The following ZNF202 variants were observed in gnomAD, a reference collection of about 807,000 sequenced individuals.
ZNF202 encodes zinc finger protein 202.
Under a neutral mutation model 54.5 loss-of-function variants are expected in ZNF202, and 22 were observed. That is an observed-to-expected ratio of 0.40 (90% CI 0.29 to 0.58). ZNF202 has a LOEUF of 0.58. ZNF202 is among the 20% of genes least tolerant of loss of function. ZNF202 has a pLI of 0.39. For synonymous variants in ZNF202, 294 were observed against 301.4 expected, an observed-to-expected ratio of 0.98 and a Z score of 0.26; for missense variants, 644 against 805.5, an observed-to-expected ratio of 0.80 and a Z score of 2.43.
intron 6 of ZNF202, 78 bp downstream of exon 6, chr11:123,729,048 C>T (rs1861282727): frequency 2.1e-6 from 3 of 1,440,046 alleles, no homozygotes; most frequent in Non-Finnish European, 1.9e-6. Flanking sequence ...GTGCATCCTG[C>T]TTCACCTGTT....
intron 5 of ZNF202, among the ~76,000 whole-genome samples, 176 bp from the exon 6 acceptor site, chr11:123,729,390 A>G (rs905390733): frequency 1.3e-5 from 2 of 152,166 alleles, no homozygotes; most frequent in Non-Finnish European, 2.9e-5. Flanking sequence ...CTATGAGACT[A>G]TCAGAATGCC....
chr11:123,732,396 TCAGA>T (rs1210524446), intron 3 of ZNF202, among the ~76,000 whole-genome samples: 1 of 152,202 alleles, frequency 6.6e-6, no homozygotes, highest in Non-Finnish European at 1.5e-5. Context: ...TCCAATCCTT[TCAGA>T]CACACACGCA....
chr11:123,741,240 G>A (rs1049427782), intron 1 of ZNF202, among the ~76,000 whole-genome samples: 14 of 152,114 alleles, frequency 9.2e-5, no homozygotes, highest in Non-Finnish European at 1.5e-4. Flanking sequence ...TACGAGGTAC[G>A]GACTAACTAC....
In ZNF202 at chr11:123,730,466, A is replaced by C; in HGVS notation, c.402+21T>G. 1.3e-6 allele frequency: 2 copies of C among 1,515,904 alleles called. No homozygotes were observed. The highest frequency in any genetic ancestry group is 1.8e-6 in the Non-Finnish European group (2 of 1,134,580). 93.9% of individuals were successfully genotyped at this position (1,515,904 alleles called of 1,614,324 possible). A position where few individuals can be genotyped will look rare whatever the true frequency, so the allele number is the denominator to read the frequency against. ...AATAGTCCCCCTCCACATCACACAG[A>C]TCAGGACTCCCCCTCCTCACCCACC... is the stretch of plus-strand genomic sequence containing the variant. On this transcript the variant is annotated intron_variant, in intron 4 of 8. Transcript: ENST00000530393. This position sits in a 1 kb window ranked among gnomAD's most constrained non-coding sequence, Gnocchi z 6.0.
Position 123,729,616 on chromosome 11 carries a change from G to A in ZNF202, c.612C>T (p.Ser204=), listed in dbSNP as rs763651033. ...QEEELQTLQE[S]EVPVPEDPDL... is the part of the protein sequence containing the mutation. ...CCCCTTTCTGCTGATGCTTCCCACC[G>A]CTCTCCTGCAGGGTCTGGAGCTCCT... Residue 204 remains serine, a splice_region_variant and synonymous_variant, in exon 5 of 9, where the codon AGC becomes AGT. Coordinates refer to ENST00000530393, the MANE Select transcript of ZNF202 (RefSeq NM_003455.4). The A allele has an allele frequency of 8.3e-6, 13 of 1,566,740 alleles. No individual in the cohort carries two copies. The highest frequency in any genetic ancestry group is 1.9e-4 in the Middle Eastern group (1 of 5,272).
chr11:123,741,334 A>T (rs1861858249), intron 1 of ZNF202, among the ~76,000 whole-genome samples: 1 of 151,976 alleles, frequency 6.6e-6, no homozygotes, highest in African/African-American at 2.4e-5. Context: ...CCCCGGAGAT[A>T]CTGGCTCCGG....
chr11:123,729,101 T>C, intron 6 of ZNF202, 25 bp downstream of exon 6: 2 of 1,611,714 alleles, frequency 1.2e-6, no homozygotes, highest in South Asian at 1.1e-5. Context: ...AAATTCTCTG[T>C]GGTACAGAGG....
rs1861353952 is a variant in ZNF202, at chr11:123,730,388, T to C, written c.402+99A>G. 7 of 1,427,788 alleles carry C rather than the reference T, an allele frequency of 4.9e-6. No homozygotes were observed. Among genetic ancestry groups the C allele is most frequent in the Non-Finnish European group, 6.5e-6 (7 of 1,076,484 alleles). The allele number at this position is 1,427,788 out of a possible 1,614,324, so 88.4% of individuals were successfully genotyped here. A position where few individuals can be genotyped will look rare whatever the true frequency, so the allele number is the denominator to read the frequency against. ...TGAGCAACCCAAGGGCAGAGCCCAC[T>C]AATAATTTATGGGGATCCTGCAAGC... On this transcript the variant is annotated intron_variant, in intron 4 of 8. Transcript: ENST00000530393. The surrounding 1 kb of genome is among the most constrained non-coding windows in gnomAD (Gnocchi z 6.0).
rs1861369329 is a variant in ZNF202, at chr11:123,730,739, T to C, written c.150A>G (p.Arg50=). Residue 50 remains arginine (R), a synonymous_variant, in exon 4 of 9, where the codon CGA becomes CGG. Coordinates refer to ENST00000530393, the MANE Select transcript of ZNF202 (RefSeq NM_003455.4). The surrounding 1 kb of genome is among the most constrained non-coding windows in gnomAD (Gnocchi z 6.0). ...TTGCTGCCTCCTGGTAGCGGAAGCG[T>C]CGGAAGTTCTGGTGGGAGGTTTCCA... ...PVLETSHQNF[R]RFRYQEAASP... is the part of the protein sequence containing the mutation. 6.2e-7 allele frequency: 1 copy of C among 1,614,224 alleles called. No individual in the cohort carries two copies. Among genetic ancestry groups the C allele is most frequent in the Non-Finnish European group, 8.5e-7 (1 of 1,180,030 alleles).
Position 123,727,487 on chromosome 11 carries a change from A to C in ZNF202, c.941T>G (p.Phe314Cys). The change falls in exon 8 of 9, where the codon TTT becomes TGT. Residue 314 changes from phenylalanine (F) to cysteine (C), a missense_variant. Coordinates refer to ENST00000530393, the MANE Select transcript of ZNF202 (RefSeq NM_003455.4). ...TTGTCATTCCTCACCTGTGTAGGTAAAACTCAGGATTTCTGGCTCTTGAGT... is the reference window on the plus strand; with the variant it reads ...TTGTCATTCCTCACCTGTGTAGGTACAACTCAGGATTTCTGGCTCTTGAGT... Reference protein sequence around the residue: ...QETQEPEILSFTYTGDRSKDE... With the variant: ...QETQEPEILSCTYTGDRSKDE... 3.7e-6 allele frequency: 6 copies of C among 1,614,062 alleles called. No homozygotes were observed. The highest frequency in any genetic ancestry group is 5.1e-6 in the Non-Finnish European group (6 of 1,179,970).
rs769685643 is a variant in ZNF202, at chr11:123,726,961, A to G, written c.983T>C (p.Leu328Pro). The G allele has an allele frequency of 6.2e-7, 1 of 1,613,530 alleles. No homozygotes were observed. Among genetic ancestry groups the G allele is most frequent in the Non-Finnish European group, 8.5e-7 (1 of 1,179,934 alleles). ...CTCCAAACTCAGATCTTCCTGCTCCAGACACTCTTCCTCATCTTTACTCCT... is the reference window on the plus strand; with the variant it reads ...CTCCAAACTCAGATCTTCCTGCTCCGGACACTCTTCCTCATCTTTACTCCT... The part of the protein sequence containing the change: ...GDRSKDEEEC[L>P]EQEDLSLEDI... The change falls in exon 9 of 9, where the codon CTG becomes CCG. Residue 328 changes from leucine (L) to proline (P), a missense_variant. Around this residue, in one of 3 missense-constraint regions of ZNF202, gnomAD observed 536 missense variants for 635.3 expected, o/e 0.84. Transcript: ENST00000530393. This position sits in a 1 kb window ranked among gnomAD's most constrained non-coding sequence, Gnocchi z 6.0.
rs1658954025 is a variant in ZNF202 at position 123,726,735 on chromosome 11, T to C, written c.1209A>G (p.Gly403=). 4 of 1,614,084 alleles carry C rather than the reference T, an allele frequency of 2.5e-6. No individual in the cohort carries two copies. Among genetic ancestry groups the C allele is most frequent in the African/African-American group, 1.3e-5 (1 of 74,930 alleles). Residue 403 remains glycine (G), a synonymous_variant, in exon 9 of 9, where the codon GGA becomes GGG. Transcript: ENST00000530393. This position sits in a 1 kb window ranked among gnomAD's most constrained non-coding sequence, Gnocchi z 6.0. ...LGRHHDCSVC[G]KSFTCNSHLV... is the part of the protein sequence containing the mutation. ...GGTGGGAGTTACAAGTGAAGCTCTTTCCACACACAGAACAGTCATGATGCC... is the reference window on the plus strand; with the variant it reads ...GGTGGGAGTTACAAGTGAAGCTCTTCCCACACACAGAACAGTCATGATGCC...
rs765880785 is a variant in ZNF202, at chr11:123,725,070, G to A, written c.*927C>T. The A allele has an allele frequency of 1.1e-4, 17 of 152,212 alleles. No individual in the cohort carries two copies. Among genetic ancestry groups the A allele is most frequent in the South Asian group, 2.1e-4 (1 of 4,828 alleles). The allele number at this position is 152,212 out of a possible 1,614,324, so 9.4% of individuals were successfully genotyped here. ...ACTCATACGACCCCTGTGAAGGGGGGTGTGAAGGGGTTGGTGGGCTTGTGC... is the reference window on the plus strand; with the variant it reads ...ACTCATACGACCCCTGTGAAGGGGGATGTGAAGGGGTTGGTGGGCTTGTGC... On this transcript the variant is annotated 3_prime_UTR_variant, in exon 9 of 9. Transcript: ENST00000530393.
intron 6 of ZNF202, among the ~76,000 whole-genome samples, chr11:123,728,603 C>T (rs1861260678): frequency 6.6e-6 from 1 of 152,168 alleles, no homozygotes; most frequent in African/African-American, 2.4e-5. Flanking sequence ...TACACTTTCC[C>T]TAAAGACTCT....
intron 7 of ZNF202, among the ~76,000 whole-genome samples, 193 bp downstream of exon 7, chr11:123,727,940 G>A (rs1475046825): frequency 6.6e-6 from 1 of 152,068 alleles, no homozygotes; most frequent in African/African-American, 2.4e-5. Flanking sequence ...TCCTATTAGA[G>A]GTTTCCATTT....
Position 123,730,989 on chromosome 11 carries a change from G to T in ZNF202, c.-97-4C>A. On this transcript the variant is annotated splice_region_variant and splice_polypyrimidine_tract_variant and intron_variant, in intron 3 of 8. Transcript: ENST00000530393. This position sits in a 1 kb window ranked among gnomAD's most constrained non-coding sequence, Gnocchi z 6.0. Reference sequence around the variant, plus strand: ...CGAGGATTTTCTTCCAAGGGCCCTGGATAGAGAAGTAAAGACAAACAAGAG... The same window carrying T: ...CGAGGATTTTCTTCCAAGGGCCCTGTATAGAGAAGTAAAGACAAACAAGAG... 7.2e-7 allele frequency: 1 copy of T among 1,386,004 alleles called. No homozygotes were observed. Among genetic ancestry groups the T allele is most frequent in the Non-Finnish European group, 9.8e-7 (1 of 1,023,614 alleles). 85.9% of individuals were successfully genotyped at this position (1,386,004 alleles called of 1,614,324 possible). A position where few individuals can be genotyped will look rare whatever the true frequency, so the allele number is the denominator to read the frequency against.
intron 3 of ZNF202, among the ~76,000 whole-genome samples, chr11:123,731,491 T>G (rs1144505): frequency 1.3e-5 from 2 of 152,068 alleles, no homozygotes; most frequent in African/African-American, 4.8e-5. Context: ...GAGATGCTAC[T>G]TGCAGTTCGA....
rs1861142285 is a variant in ZNF202 at position 123,726,461 on chromosome 11, C to T, written c.1483G>A (p.Asp495Asn). 6.2e-7 allele frequency: 1 copy of T among 1,614,116 alleles called. No homozygotes were observed. ...DCGKHFRWTSDLVRHQRTHTG... is the reference protein window; with the variant it reads ...DCGKHFRWTSNLVRHQRTHTG... ...TGTGTCCTCTGATGTCTGACAAGGT[C>T]TGAAGTCCAGCGGAAGTGCTTTCCG... Residue 495 changes from aspartate to asparagine, a missense_variant, in exon 9 of 9, where the codon GAC becomes AAC. By Grantham distance (23) the Asp-to-Asn change is conservative (BLOSUM62 1). Transcript: ENST00000530393. The surrounding 1 kb of genome is among the most constrained non-coding windows in gnomAD (Gnocchi z 6.0).
At chr11:123,727,184 AT>A (rs1861189003) in intron 8 of ZNF202, among the ~76,000 whole-genome samples, 193 bp from the exon 9 acceptor site, 1 of 152,244 alleles carries the variant, frequency 6.6e-6, no homozygotes, top group African/African-American at 2.4e-5. Context: ...CATTTTACAA[AT>A]GCAGAGATTG....
Sources: gnomAD v4.1 joint callset for allele counts (sites outside exome capture counted in the v4.1 genomes callset) on GRCh38, gnomAD v4.1.1 for gene constraint, gnomAD v4.1.1 regional missense constraint, Gnocchi (gnomAD v3.1) non-coding constraint, MANE v1.5 for transcripts, NCBI Gene and HGNC (gene_info 2026-07-23, HGNC 2026-07-21) for gene names.